The following PNPLA4 variants were observed in gnomAD, a reference collection of about 807,000 sequenced individuals.
PNPLA4 encodes the protein patatin-like phospholipase domain-containing protein 4.
A neutral mutation model predicts 18.3 loss-of-function variants in PNPLA4; 15 were observed. The observed-to-expected ratio is 0.82, with a 90% CI of 0.55 to 1.26. The LOEUF is 1.26. Ranked by LOEUF, PNPLA4 falls within the 50% of genes most tolerant of loss-of-function variation. The pLI is 0.00. For missense variants in PNPLA4, 229 were observed against 196.8 expected (o/e 1.16, Z -0.98); for synonymous variants, 88 against 85.6 (o/e 1.03, Z -0.16).
intron 5 of PNPLA4, among the ~76,000 whole-genome samples, chrX:7,908,537 C>T (rs1373785094): frequency 1.8e-5 from 2 of 111,835 alleles, no homozygotes; most frequent in Non-Finnish European, 3.8e-5. Flanking sequence ...GCATGGAAGC[C>T]CTATTAGAAT....
chrX:7,925,351 T>C (rs1419230578), intron 2 of PNPLA4, among the ~76,000 whole-genome samples: 1 of 112,524 alleles, frequency 8.9e-6, no homozygotes, highest in African/African-American at 3.2e-5. Context: ...CAGCAAATGA[T>C]TGATCACTGT....
At chrX:7,917,043 T>A (rs1349574828) in intron 4 of PNPLA4, among the ~76,000 whole-genome samples, 1 of 112,079 alleles carries the variant, frequency 8.9e-6, no homozygotes, top group East Asian at 2.8e-4. Flanking sequence ...CTTATAACAG[T>A]TTATAAAGTA....
intron 5 of PNPLA4, among the ~76,000 whole-genome samples, chrX:7,906,647 G>C (rs1382714400): frequency 8.9e-6 from 1 of 112,440 alleles, no homozygotes. Flanking sequence ...TTTCCATCCA[G>C]CCAAATCTAG....
In PNPLA4 at chrX:7,921,847, T is replaced by C; in HGVS notation, c.277A>G (p.Ser93Gly). 1 of 1,206,633 alleles carries C rather than the reference T, an allele frequency of 8.3e-7. No homozygotes were observed. Among genetic ancestry groups the C allele is most frequent in the Non-Finnish European group, 1.1e-6 (1 of 891,767 alleles). ...GGAGGAAGAATCGACTCCATCCCACTTCTAAAGAAGAAAAAGCAATCTGAA... is the reference window on the plus strand; with the variant it reads ...GGAGGAAGAATCGACTCCATCCCACCTCTAAAGAAGAAAAAGCAATCTGAA... The part of the protein sequence containing the change: ...PGYDFMARLR[S>G]GMESILPPSA... Residue 93 changes from serine (S) to glycine (G), a missense_variant and splice_region_variant, in exon 4 of 7, where the codon AGT (serine) becomes GGT (glycine). By Grantham distance (56) the Ser-to-Gly change is moderately conservative. Coordinates refer to ENST00000381042, the MANE Select transcript of PNPLA4 (RefSeq NM_004650.3).
Position 7,925,191 on chromosome X carries a change from T to C in PNPLA4, c.180+749A>G, listed in dbSNP as rs1924354100. Among the ~76,000 whole-genome samples, 3 of 112,441 alleles carry C rather than the reference T, an allele frequency of 2.7e-5. No individual in the cohort carries two copies. In the Admixed American group the frequency reaches 2.8e-4, roughly 11 times the overall value. On this transcript the variant is annotated intron_variant, in intron 2 of 6. Transcript: ENST00000381042. Reference sequence around the variant, plus strand: ...TGAAATGAGATTCTGATGTTTAACATTGCATAGTTTTGGAATTTTAAATGT... The same window carrying C: ...TGAAATGAGATTCTGATGTTTAACACTGCATAGTTTTGGAATTTTAAATGT...
rs1208790396 is a variant in PNPLA4, at chrX:7,899,853, C to A, written c.*833G>T. 2.7e-5 allele frequency: 3 copies of A among 111,254 alleles called. No individual in the cohort carries two copies. The highest frequency in any genetic ancestry group is 9.8e-5 in the African/African-American group (3 of 30,523). 9.2% of individuals were successfully genotyped at this position (111,254 alleles called of 1,213,427 possible). A position where few individuals can be genotyped will look rare whatever the true frequency, so the allele number is the denominator to read the frequency against. On this transcript the variant is annotated 3_prime_UTR_variant, in exon 7 of 7. Transcript: ENST00000381042. ...GCAAACTGTTATGGTTTGGCTGTGTCCCCACCCAAATCTCATCTTGAAGTG... is the reference window on the plus strand; with the variant it reads ...GCAAACTGTTATGGTTTGGCTGTGTACCCACCCAAATCTCATCTTGAAGTG...
intron 5 of PNPLA4, among the ~76,000 whole-genome samples, chrX:7,906,022 C>T (rs1485182252): frequency 8.9e-6 from 1 of 112,052 alleles, no homozygotes; most frequent in Non-Finnish European, 1.9e-5. Context: ...GGTTTTTTTT[C>T]TCGCACACTG....
chrX:7,927,432 AC>A (rs1203409241), upstream of PNPLA4: 1 of 113,279 alleles, frequency 8.8e-6, no homozygotes, highest in Non-Finnish European at 1.9e-5. Flanking sequence ...AGGGGTTGGT[AC>A]CGCCTCCCGC....
Position 7,912,072 on chromosome X carries a change from C to T in PNPLA4, c.433G>A (p.Val145Met). Reference sequence around the variant, plus strand: ...AGCTTCAGTCCTGCATAAATGGGCACAAAACTGCTGGCTAGGAGGACCTAG... The same window carrying T: ...AGCTTCAGTCCTGCATAAATGGGCATAAAACTGCTGGCTAGGAGGACCTAG... ...LIKVLLASSF[V>M]PIYAGLKLVE... Residue 145 changes from valine to methionine, a missense_variant, in exon 5 of 7, where the codon GTG becomes ATG. Transcript: ENST00000381042. 2 of 1,205,492 alleles carry T rather than the reference C, an allele frequency of 1.7e-6. No individual in the cohort carries two copies. The highest frequency in any genetic ancestry group is 2.2e-6 in the Non-Finnish European group (2 of 890,590).
At chrX:7,907,112 G>A (rs904109743) in intron 5 of PNPLA4, among the ~76,000 whole-genome samples, 7 of 110,884 alleles carry the variant, frequency 6.3e-5, no homozygotes, top group Non-Finnish European at 1.3e-4. Flanking sequence ...CTGCCTCCTG[G>A]GTTCAAGCAA....
intron 6 of PNPLA4, among the ~76,000 whole-genome samples, chrX:7,901,106 C>T (rs1485230381): frequency 1.8e-5 from 2 of 111,449 alleles, no homozygotes; most frequent in African/African-American, 6.5e-5. Context: ...GCCAGTAGCA[C>T]CACTGGGACA....
In PNPLA4 at chrX:7,901,807, A is replaced by C. The variant is rs1923542344; in HGVS notation, c.630+182T>G. 2.7e-5 allele frequency among the ~76,000 whole-genome samples: 3 copies of C among 111,509 alleles called. No homozygotes were observed. The Admixed American group carries it at 2.9e-4, about 11-fold the overall frequency. ...AAACCCTGTCTCTACAAAAGATAAAAAAATTAGCCCCGTTCCTATGGCTGA... is the reference window on the plus strand; with the variant it reads ...AAACCCTGTCTCTACAAAAGATAAACAAATTAGCCCCGTTCCTATGGCTGA... On this transcript the variant is annotated intron_variant, in intron 6 of 6. Coordinates refer to ENST00000381042, the MANE Select transcript of PNPLA4 (RefSeq NM_004650.3).
At chrX:7,912,782 A>G (rs1318559526) in intron 4 of PNPLA4, among the ~76,000 whole-genome samples, 1 of 112,379 alleles carries the variant, frequency 8.9e-6, no homozygotes, top group Non-Finnish European at 1.9e-5. Context: ...GTTCTATTTG[A>G]AAACATACAG....
chrX:7,914,505 C>T (rs1171664456), intron 4 of PNPLA4, among the ~76,000 whole-genome samples: 3 of 112,039 alleles, frequency 2.7e-5, no homozygotes, highest in African/African-American at 9.7e-5. Context: ...AAAAAATAAT[C>T]ACAGACCCTA....
intron 4 of PNPLA4, among the ~76,000 whole-genome samples, chrX:7,917,956 A>AT (rs1176486617): frequency 1.8e-5 from 2 of 112,350 alleles, no homozygotes; most frequent in Non-Finnish European, 3.8e-5. Flanking sequence ...AAAACTAGGC[A>AT]TTTTTTAAAA....
chrX:7,926,827 T>C (rs1479217483), intron 1 of PNPLA4, among the ~76,000 whole-genome samples: 7 of 112,467 alleles, frequency 6.2e-5, no homozygotes, highest in Non-Finnish European at 1.3e-4. Flanking sequence ...ATTACATGTT[T>C]TCCTATGCCT....
chrX:7,900,627 T>C lies in PNPLA4; in HGVS notation c.*59A>G. On this transcript the variant is annotated 3_prime_UTR_variant, in exon 7 of 7. Transcript: ENST00000381042. ...ATAGATTTTCTAAAAAGGATTTGAT[T>C]AGAAACTTCCATCAAAAACTATCTA... The C allele has an allele frequency of 1.2e-6, 1 of 807,566 alleles. No homozygotes were observed. The allele number at this position is 807,566 out of a possible 1,213,427, so 66.6% of individuals were successfully genotyped here. A position where few individuals can be genotyped will look rare whatever the true frequency, so the allele number is the denominator to read the frequency against.
chrX:7,909,095 C>A (rs1220946193), intron 5 of PNPLA4, among the ~76,000 whole-genome samples: 11 of 111,878 alleles, frequency 9.8e-5, no homozygotes, highest in Non-Finnish European at 1.9e-4. Context: ...GAGTAAGAGG[C>A]ATAGCAAAGA....
chrX:7,925,197 A>G (rs1006302802), intron 2 of PNPLA4, among the ~76,000 whole-genome samples: 21 of 112,345 alleles, frequency 1.9e-4, no homozygotes, highest in Non-Finnish European at 1.9e-5. Flanking sequence ...AACATTGCAT[A>G]GTTTTGGAAT....
Sources: gnomAD v4.1 joint callset for allele counts (sites outside exome capture counted in the v4.1 genomes callset) on GRCh38, gnomAD v4.1.1 for gene constraint, MANE v1.5 for transcripts, NCBI Gene and HGNC (gene_info 2026-07-23, HGNC 2026-07-21) for gene names.